The following EBF3 variants were observed in gnomAD, a reference collection of about 807,000 sequenced individuals.
EBF3 encodes the protein EBF transcription factor 3.
A neutral mutation model predicts 77.1 loss-of-function variants in EBF3; 18 were observed. The ratio of observed to expected loss-of-function variants is 0.23; its 90% CI spans 0.16 to 0.35. The LOEUF (loss-of-function observed/expected upper bound fraction) is 0.35. EBF3 is among the 10% of genes least tolerant of loss of function. The pLI, the probability that EBF3 is intolerant of heterozygous loss-of-function variation, is 1.00. For synonymous variants in EBF3, 350 were observed against 343.5 expected (o/e 1.02, Z -0.21); for missense variants, 558 against 860.0 (o/e 0.65, Z 4.39).
intron 6 of EBF3, among the ~76,000 whole-genome samples, chr10:129,881,413 A>T (rs760054990): frequency 1.3e-5 from 2 of 152,126 alleles, no homozygotes; most frequent in Non-Finnish European, 2.9e-5. Flanking sequence ...AGCTTGAAAT[A>T]TGGGCTTTAT....
At chr10:129,862,140 G>T (rs1477073511) in intron 10 of EBF3, among the ~76,000 whole-genome samples, 1 of 152,094 alleles carries the variant, frequency 6.6e-6, no homozygotes, top group Non-Finnish European at 1.5e-5. Flanking sequence ...CAGTTTTAAG[G>T]CACATTATGA....
chr10:129,925,024 A>G (rs927457671), intron 6 of EBF3, among the ~76,000 whole-genome samples: 1 of 152,194 alleles, frequency 6.6e-6, no homozygotes, highest in Non-Finnish European at 1.5e-5. Flanking sequence ...AAAATGTGGA[A>G]GCCACCCAAG....
intron 6 of EBF3, 146 bp from the exon 7 acceptor site, chr10:129,877,995 G>A: frequency 1.5e-6 from 1 of 646,102 alleles, no homozygotes; most frequent in Admixed American, 3.1e-5. Context: ...TTGAGAAGAG[G>A]CTCTGGGAGA....
At chr10:129,942,150 T>A (rs1400798436) in intron 6 of EBF3, among the ~76,000 whole-genome samples, 1 of 152,198 alleles carries the variant, frequency 6.6e-6, no homozygotes, top group Admixed American at 6.5e-5. Flanking sequence ...TTCTTAGCAC[T>A]AACTGATTTT....
chr10:129,906,305 T>C (rs1304148822), intron 6 of EBF3, among the ~76,000 whole-genome samples: 3 of 152,238 alleles, frequency 2.0e-5, no homozygotes, highest in African/African-American at 4.8e-5. Context: ...AAGAACAAGA[T>C]TGTGAAATTG....
At chr10:129,915,000 C>T (rs899386019) in intron 6 of EBF3, among the ~76,000 whole-genome samples, 1 of 152,152 alleles carries the variant, frequency 6.6e-6, no homozygotes, top group African/African-American at 2.4e-5. Flanking sequence ...GGACAGAGCC[C>T]CTGAGCCAAG....
intron 6 of EBF3, among the ~76,000 whole-genome samples, chr10:129,909,385 C>T (rs1855360665): frequency 6.6e-6 from 1 of 152,250 alleles, no homozygotes; most frequent in South Asian, 2.1e-4. Context: ...TTGAAAGCAA[C>T]TTTGTTCACA....
At chr10:129,925,413 G>A (rs926221564) in intron 6 of EBF3, among the ~76,000 whole-genome samples, 1 of 151,772 alleles carries the variant, frequency 6.6e-6, no homozygotes, top group Admixed American at 6.6e-5. Context: ...AACATAGTGA[G>A]ACCCCCGTTT....
chr10:129,852,953 C>T (rs535666846), intron 10 of EBF3, among the ~76,000 whole-genome samples: 17 of 152,306 alleles, frequency 1.1e-4, no homozygotes, highest in African/African-American at 3.8e-4. Flanking sequence ...TCTGGCAGTC[C>T]AGGGCGTTGA....
At chr10:129,914,487 G>C (rs191000682) in intron 6 of EBF3, among the ~76,000 whole-genome samples, 122 of 152,302 alleles carry the variant, frequency 8.0e-4, no homozygotes, top group African/African-American at 2.7e-3. Flanking sequence ...AGCCACTCCA[G>C]CAGTGAGAAT....
intron 6 of EBF3, among the ~76,000 whole-genome samples, chr10:129,914,489 A>G (rs1855738829): frequency 6.6e-6 from 1 of 152,190 alleles, no homozygotes; most frequent in African/African-American, 2.4e-5. Context: ...CCACTCCAGC[A>G]GTGAGAATGG....
At chr10:129,873,413 A>G (rs769924775) in intron 8 of EBF3, 39 bp downstream of exon 8, 1 of 1,476,026 alleles carries the variant, frequency 6.8e-7, no homozygotes, top group Admixed American at 2.4e-5. Context: ...AAGAAAAAGA[A>G]GCATCGCAAA....
chr10:129,924,435 A>C (rs1350118994), intron 6 of EBF3, among the ~76,000 whole-genome samples: 4 of 148,184 alleles, frequency 2.7e-5, no homozygotes, highest in African/African-American at 7.6e-5. Flanking sequence ...AACAACAAAA[A>C]AAAAAAAAAA....
At chr10:129,875,090 ATAAT>A (rs1026289137) in intron 7 of EBF3, among the ~76,000 whole-genome samples, 9 of 152,262 alleles carry the variant, frequency 5.9e-5, no homozygotes, top group Non-Finnish European at 1.0e-4. Context: ...TGAATATAAA[ATAAT>A]TAAACATACA....
At chr10:129,868,348 G>A (rs776561120) in intron 8 of EBF3, among the ~76,000 whole-genome samples, 1 of 152,120 alleles carries the variant, frequency 6.6e-6, no homozygotes, top group Admixed American at 6.5e-5. Flanking sequence ...TTTTTCATCC[G>A]CGAACTTTGC....
chr10:129,906,715 T>A (rs994006296), intron 6 of EBF3, among the ~76,000 whole-genome samples: 2 of 152,218 alleles, frequency 1.3e-5, no homozygotes, highest in Admixed American at 1.3e-4. Context: ...AATTGTTTGA[T>A]TGAGAAGGGT....
chr10:129,937,715 T>G (rs1216566824), intron 6 of EBF3, among the ~76,000 whole-genome samples: 1 of 88,002 alleles, frequency 1.1e-5, no homozygotes, highest in Non-Finnish European at 3.0e-5. Flanking sequence ...ATACCTCATC[T>G]CCTCACCATG....
intron 11 of EBF3, among the ~76,000 whole-genome samples, chr10:129,846,051 T>C (rs1350427423): frequency 1.3e-5 from 2 of 151,416 alleles, no homozygotes; most frequent in Admixed American, 6.6e-5. Flanking sequence ...TCCCTTCCAA[T>C]CTCTATTTTT....
At position 129,863,698 on chromosome 10, in the gene EBF3, G is replaced by A. The variant is rs552153852; in HGVS notation, c.1039+3443C>T. On this transcript the variant is annotated intron_variant, in intron 10 of 16. Coordinates refer to ENST00000440978, the MANE Select transcript of EBF3 (RefSeq NM_001375380.1). This position sits in a 1 kb window ranked among gnomAD's most constrained non-coding sequence, Gnocchi z 4.0. The stretch of plus-strand genomic sequence containing the variant: ...CAAAGGGGCTGGCTCAGTTTTCAGC[G>A]GGGGAGTGCAATTCCCGGTGATTAC... Among the ~76,000 whole-genome samples the A allele has an allele frequency of 6.6e-6, 1 of 152,174 alleles. No individual in the cohort carries two copies. The highest frequency in any genetic ancestry group is 2.4e-5 in the African/African-American group (1 of 41,446).
Sources: allele counts gnomAD v4.1 joint callset (sites outside exome capture counted in the v4.1 genomes callset), GRCh38; gene constraint gnomAD v4.1.1; non-coding constraint Gnocchi (gnomAD v3.1); transcripts MANE v1.5; gene names NCBI Gene and HGNC (gene_info 2026-07-23, HGNC 2026-07-21).